TMCO4: variants seen among roughly 807,000 people sequenced by gnomAD.
The protein encoded by TMCO4 is transmembrane and coiled-coil domain-containing protein 4.
In TMCO4, 58 loss-of-function variants were observed where a neutral mutation model predicts 64.7. The observed-to-expected ratio is 0.90, with a 90% confidence interval of 0.73 to 1.12. The LOEUF (loss-of-function observed/expected upper bound fraction) is 1.12, where lower values mean the gene tolerates loss of function less well. Among genes scored for constraint, TMCO4 ranks in the 50% most tolerant of loss-of-function variants. The probability of loss-of-function intolerance (pLI) is 0.00; values close to 1 mark genes in which losing one functional copy is unlikely to be tolerated. For synonymous variants in TMCO4, 325 were observed against 346.1 expected (o/e 0.94, Z 0.68); for missense variants, 780 against 825.9 (o/e 0.94, Z 0.68).
chr1:19,695,290 G>A (rs1284397373), intron 14 of TMCO4, among the ~76,000 whole-genome samples: 1 of 152,214 alleles, frequency 6.6e-6, no homozygotes, highest in African/African-American at 2.4e-5. Flanking sequence ...GGTGCAATGA[G>A]CACTGTCTAC....
chr1:19,752,319 G>T (rs1408332368), intron 7 of TMCO4, among the ~76,000 whole-genome samples: 1 of 152,110 alleles, frequency 6.6e-6, no homozygotes, highest in Non-Finnish European at 1.5e-5. Context: ...CCACACCGTC[G>T]TAGTCACGGT....
intron 10 of TMCO4, among the ~76,000 whole-genome samples, chr1:19,742,409 G>C (rs1293088752): frequency 6.6e-6 from 1 of 152,190 alleles, no homozygotes; most frequent in Non-Finnish European, 1.5e-5. Context: ...GCAGCCTGCA[G>C]GTTCTGAGCA....
chr1:19,762,075 A>G (rs2042530557), intron 6 of TMCO4, among the ~76,000 whole-genome samples: 1 of 152,262 alleles, frequency 6.6e-6, no homozygotes, highest in Non-Finnish European at 1.5e-5. Context: ...AAAGCCACAC[A>G]GGTCAGAGAG....
chr1:19,757,156 T>TGGGG (rs201093840), intron 6 of TMCO4, among the ~76,000 whole-genome samples: 4 of 102,284 alleles, frequency 3.9e-5, no homozygotes, highest in African/African-American at 1.1e-4. Flanking sequence ...CCAGGCGTGG[T>TGGGG]GGCGGGGGGG....
At chr1:19,764,796 A>T (rs2042657833) in intron 6 of TMCO4, among the ~76,000 whole-genome samples, 1 of 140,768 alleles carries the variant, frequency 7.1e-6, no homozygotes, top group Admixed American at 7.7e-5. Flanking sequence ...TGGAGGTTGC[A>T]GTGAGCCAAG....
intron 13 of TMCO4, among the ~76,000 whole-genome samples, chr1:19,704,685 C>G (rs2095293175): frequency 6.6e-6 from 1 of 152,180 alleles, no homozygotes; most frequent in South Asian, 2.1e-4. Context: ...GCTTTTCGAG[C>G]CTTGGTGCGG....
chr1:19,710,344 C>T (rs1264464249), intron 13 of TMCO4, among the ~76,000 whole-genome samples: 2 of 150,796 alleles, frequency 1.3e-5, no homozygotes, highest in East Asian at 2.0e-4. Flanking sequence ...AACTCCTGAG[C>T]TCAAGCAATC....
intron 14 of TMCO4, among the ~76,000 whole-genome samples, chr1:19,694,999 A>G (rs2095226225): frequency 6.6e-6 from 1 of 152,180 alleles, no homozygotes; most frequent in Admixed American, 6.5e-5. Context: ...GAGAAGGTCC[A>G]CCTGTGAGGA....
intron 13 of TMCO4, among the ~76,000 whole-genome samples, chr1:19,717,835 C>A (rs780915949): frequency 3.9e-5 from 6 of 152,190 alleles, no homozygotes; most frequent in Non-Finnish European, 8.8e-5. Flanking sequence ...TATTCACCTG[C>A]TTTAAGCCTG....
At position 19,771,331 on chromosome 1, in the gene TMCO4, C is replaced by A. The variant is rs753890174; in HGVS notation, c.331G>T (p.Asp111Tyr). ...ACCTGAGTGATCACCGTCGGGTCGT[C>A]CTTCAAGATGGGGTCCTTCAGTAAA... ...QILLKDPILK[D>Y]DPTVITQDLL... is the part of the protein sequence containing the mutation. Residue 111 changes from aspartate (D) to tyrosine (Y), a missense_variant, in exon 5 of 16, where the codon GAC (aspartate) becomes TAC (tyrosine). Physicochemically the swap from Asp to Tyr is radical, Grantham distance 160. Transcript: ENST00000294543. 7 of 1,614,074 alleles carry A rather than the reference C, an allele frequency of 4.3e-6. No individual in the cohort carries two copies. Among genetic ancestry groups the A allele is most frequent in the Non-Finnish European group, 5.9e-6 (7 of 1,180,040 alleles).
Position 19,717,145 on chromosome 1 carries a change from C to T in TMCO4, c.1265-16260G>A, listed in dbSNP as rs137940051. Among the ~76,000 whole-genome samples the T allele has an allele frequency of 1.4e-3, 211 of 152,294 alleles. 1 individual carries two copies. Among genetic ancestry groups the T allele is most frequent in the African/African-American group, 4.8e-3 (199 of 41,570 alleles). On this transcript the variant is annotated intron_variant, in intron 13 of 15. Transcript: ENST00000294543. Reference sequence around the variant, plus strand: ...AGGTTGCAGTGACCCGAGATTGTGCCATTGCACTCCAGCCTGGGCAACATG... The same window carrying T: ...AGGTTGCAGTGACCCGAGATTGTGCTATTGCACTCCAGCCTGGGCAACATG...
intron 10 of TMCO4, among the ~76,000 whole-genome samples, chr1:19,742,800 T>C (rs1312679465): frequency 3.3e-5 from 5 of 152,208 alleles, no homozygotes; most frequent in African/African-American, 9.6e-5. Context: ...TAAAAGGTGT[T>C]GTATACTTTG....
chr1:19,742,502 C>T (rs891206310), intron 10 of TMCO4, among the ~76,000 whole-genome samples: 16 of 152,194 alleles, frequency 1.1e-4, no homozygotes, highest in Admixed American at 1.0e-3. Flanking sequence ...AATACTACAG[C>T]TGCCCCCCTC....
chr1:19,747,975 T>G (rs1030124185), intron 7 of TMCO4, among the ~76,000 whole-genome samples: 3 of 152,164 alleles, frequency 2.0e-5, no homozygotes, highest in Non-Finnish European at 4.4e-5. Flanking sequence ...AATAACTCAG[T>G]GTGGAGTGAT....
chr1:19,728,514 T>C (rs2095417644), intron 13 of TMCO4, among the ~76,000 whole-genome samples: 2 of 152,226 alleles, frequency 1.3e-5, no homozygotes, highest in Admixed American at 1.3e-4. Context: ...GGTCATCTCC[T>C]CTGACTCTCT....
chr1:19,775,367 G>A (rs971797669), intron 4 of TMCO4, among the ~76,000 whole-genome samples: 3 of 152,112 alleles, frequency 2.0e-5, no homozygotes, highest in African/African-American at 4.8e-5. Context: ...ATGAGGCACC[G>A]CGCCTGGCCA....
At position 19,739,933 on chromosome 1, in the gene TMCO4, G is replaced by T; in HGVS notation, c.1070C>A (p.Ala357Asp). The change falls in exon 12 of 16, where the codon GCC becomes GAC. Residue 357 changes from alanine (A) to aspartate (D), a missense_variant. Transcript: ENST00000294543. ...GACATTGGCGACACTGAGGAGTGAG[G>T]CTGGCCAGGTCAGGGCAGCCACAAT... ...SGIVAALTWPASLLSVANVID... is the reference protein window; with the variant it reads ...SGIVAALTWPDSLLSVANVID... 1 of 1,613,814 alleles carries T rather than the reference G, an allele frequency of 6.2e-7. No individual in the cohort carries two copies. Among genetic ancestry groups the T allele is most frequent in the Non-Finnish European group, 8.5e-7 (1 of 1,179,896 alleles).
chr1:19,710,403 GA>G, intron 13 of TMCO4, among the ~76,000 whole-genome samples: 1 of 152,090 alleles, frequency 6.6e-6, no homozygotes, highest in Middle Eastern at 3.4e-3. Flanking sequence ...CACCTGGCTG[GA>G]ATTCCATTTC....
At chr1:19,699,511 A>ATATG (rs1192834239) in intron 14 of TMCO4, among the ~76,000 whole-genome samples, 2 of 145,458 alleles carry the variant, frequency 1.4e-5, no homozygotes, top group Non-Finnish European at 3.0e-5. Context: ...ATATATATAT[A>ATATG]TATTGAGATG....
Sources: allele counts gnomAD v4.1 joint callset (sites outside exome capture counted in the v4.1 genomes callset), GRCh38; gene constraint gnomAD v4.1.1; transcripts MANE v1.5; gene names NCBI Gene and HGNC (gene_info 2026-07-23, HGNC 2026-07-21).